The following DENND2C variants were observed in gnomAD, a reference collection of about 807,000 sequenced individuals.
The protein encoded by DENND2C is DENN domain containing 2C.
In DENND2C, 72 loss-of-function variants were observed where a neutral mutation model predicts 112.4. That is an observed-to-expected ratio of 0.64 (90% confidence interval 0.53 to 0.78). The LOEUF is 0.78. Ranked by LOEUF, DENND2C falls within the 30% of genes least tolerant of loss-of-function variation. The pLI is 0.00. For missense variants in DENND2C, 992 were observed against 1,113.8 expected (o/e 0.89, Z 1.56); for synonymous variants, 329 against 381.6 (o/e 0.86, Z 1.61).
chr1:114,613,674 C>T (rs979023327), intron 8 of DENND2C, among the ~76,000 whole-genome samples: 1 of 151,892 alleles, frequency 6.6e-6, no homozygotes, highest in Non-Finnish European at 1.5e-5. Context: ...GGAGAAAAGG[C>T]AATATAACTG....
intron 9 of DENND2C, among the ~76,000 whole-genome samples, chr1:114,610,174 A>G (rs1655771945): frequency 6.6e-6 from 1 of 152,214 alleles, no homozygotes; most frequent in Non-Finnish European, 1.5e-5. Context: ...AATAGGAAGT[A>G]GATAACTTGC....
chr1:114,614,172 C>T (rs557700386), intron 8 of DENND2C, among the ~76,000 whole-genome samples: 1 of 148,458 alleles, frequency 6.7e-6, no homozygotes, highest in East Asian at 2.0e-4. Flanking sequence ...GTTGAGGCTG[C>T]AGTGAGCCAT....
At chr1:114,626,838 T>A (rs905262273) in intron 3 of DENND2C, among the ~76,000 whole-genome samples, 1 of 152,036 alleles carries the variant, frequency 6.6e-6, no homozygotes, top group Non-Finnish European at 1.5e-5. Context: ...TGAAACCTTC[T>A]CTTAATGAAA....
intron 3 of DENND2C, among the ~76,000 whole-genome samples, chr1:114,642,469 T>C (rs554966581): frequency 6.6e-6 from 1 of 152,358 alleles, no homozygotes; most frequent in African/African-American, 2.4e-5. Flanking sequence ...AACACTAACA[T>C]AGATTTGGTT....
rs977726098 is a variant in DENND2C, at chr1:114,654,646, A to C, written c.-458T>G. 3.3e-5 allele frequency: 5 copies of C among 152,092 alleles called. No individual in the cohort carries two copies. The highest frequency in any genetic ancestry group is 1.2e-4 in the African/African-American group (5 of 41,408). 9.4% of individuals were successfully genotyped at this position (152,092 alleles called of 1,614,324 possible). On this transcript the variant is annotated 5_prime_UTR_variant, in exon 2 of 21. It adds an upstream start codon to the 5' untranslated region. Transcript: ENST00000393274. The stretch of plus-strand genomic sequence containing the variant: ...CCAATCACTTCAATCACACTATCAC[A>C]ATTAATTTTCATAGCACCTCTTTGG...
intron 2 of DENND2C, among the ~76,000 whole-genome samples, chr1:114,652,705 T>C (rs746005512): frequency 1.4e-5 from 2 of 138,928 alleles, no homozygotes; most frequent in Non-Finnish European, 3.1e-5. Flanking sequence ...CAGAGTCTCC[T>C]CATTGCCCAA....
chr1:114,608,373 C>CT (rs1411356686), intron 10 of DENND2C, among the ~76,000 whole-genome samples: 5 of 152,164 alleles, frequency 3.3e-5, no homozygotes, highest in Non-Finnish European at 5.9e-5. Flanking sequence ...AACCACTACC[C>CT]TATTCTGTCA....
intron 1 of DENND2C, among the ~76,000 whole-genome samples, chr1:114,662,940 A>T: frequency 6.6e-6 from 1 of 152,132 alleles, no homozygotes. Context: ...AGCCTGGGTG[A>T]CAGAGAAAGA....
intron 2 of DENND2C, among the ~76,000 whole-genome samples, chr1:114,645,775 T>G (rs964399008): frequency 6.6e-6 from 1 of 152,186 alleles, no homozygotes; most frequent in Non-Finnish European, 1.5e-5. Flanking sequence ...CATTTAAAAA[T>G]TTTTAACAAA....
chr1:114,631,659 G>A (rs921289774), intron 3 of DENND2C, among the ~76,000 whole-genome samples: 1 of 152,098 alleles, frequency 6.6e-6, no homozygotes, highest in Non-Finnish European at 1.5e-5. Context: ...GCGGGTGCCT[G>A]TAGTCCCAGC....
intron 3 of DENND2C, among the ~76,000 whole-genome samples, chr1:114,627,235 A>G (rs1656368544): frequency 6.6e-6 from 1 of 152,216 alleles, no homozygotes; most frequent in African/African-American, 2.4e-5. Flanking sequence ...CCTTATATGT[A>G]AGCTTCAGCG....
intron 1 of DENND2C, among the ~76,000 whole-genome samples, chr1:114,669,551 T>C (rs966079703): frequency 2.0e-5 from 3 of 152,136 alleles, no homozygotes; most frequent in Non-Finnish European, 2.9e-5. Context: ...AAAAGCAAAA[T>C]ATTGTTTGGA....
At chr1:114,635,026 TAAAAAAAA>T (rs374636363) in intron 3 of DENND2C, among the ~76,000 whole-genome samples, 1 of 94,716 alleles carries the variant, frequency 1.1e-5, no homozygotes, top group African/African-American at 4.7e-5. Context: ...AGACTCCGTC[TAAAAAAAA>T]AAAAAAAAAA....
intron 8 of DENND2C, among the ~76,000 whole-genome samples, chr1:114,615,968 G>A (rs1031473626): frequency 2.0e-5 from 3 of 152,134 alleles, no homozygotes; most frequent in East Asian, 1.9e-4. Flanking sequence ...CCAGCTACTC[G>A]GGAGGCTGAG....
At chr1:114,607,326 C>A (rs149759918) in intron 10 of DENND2C, among the ~76,000 whole-genome samples, 1 of 152,290 alleles carries the variant, frequency 6.6e-6, no homozygotes, top group African/African-American at 2.4e-5. Context: ...ACACGCAGGG[C>A]CCTTCTGAGT....
intron 3 of DENND2C, among the ~76,000 whole-genome samples, chr1:114,632,221 T>G (rs1441341363): frequency 2.0e-5 from 3 of 151,856 alleles, no homozygotes; most frequent in Admixed American, 6.6e-5. Flanking sequence ...AATGAAGGGG[T>G]CGGGAGTGGG....
chr1:114,649,309 C>T (rs944654471), intron 2 of DENND2C, among the ~76,000 whole-genome samples: 5 of 152,046 alleles, frequency 3.3e-5, no homozygotes, highest in Non-Finnish European at 7.4e-5. Context: ...AATAACTGTC[C>T]CAAACTAGAA....
At chr1:114,590,823 A>G (rs983061427) in intron 18 of DENND2C, among the ~76,000 whole-genome samples, 5 of 151,772 alleles carry the variant, frequency 3.3e-5, no homozygotes, top group Non-Finnish European at 2.9e-5. Context: ...CCTAGTGATC[A>G]TGTGCAAGAG....
intron 7 of DENND2C, among the ~76,000 whole-genome samples, chr1:114,621,548 T>C (rs927310375): frequency 1.3e-5 from 2 of 152,242 alleles, no homozygotes; most frequent in African/African-American, 4.8e-5. Context: ...GGCAATCATA[T>C]GAATGAGTGA....
Sources: allele counts gnomAD v4.1 joint callset (sites outside exome capture counted in the v4.1 genomes callset), GRCh38; gene constraint gnomAD v4.1.1; transcripts MANE v1.5; gene names NCBI Gene and HGNC (gene_info 2026-07-23, HGNC 2026-07-21).